The following MOSPD2 variants were observed in gnomAD, a reference collection of about 807,000 sequenced individuals.
MOSPD2 encodes motile sperm domain-containing protein 2.
MOSPD2 carries 5 observed loss-of-function variants against 41.7 expected under a neutral mutation model. The observed-to-expected ratio is 0.12, with a 90% CI of 0.06 to 0.25. MOSPD2 has a LOEUF of 0.25. Ranked by LOEUF, MOSPD2 falls within the 10% of genes least tolerant of loss-of-function variation. The pLI is 1.00. For missense variants in MOSPD2, 282 were observed against 375.2 expected, an observed-to-expected ratio of 0.75 and a Z score of 2.05; for synonymous variants, 115 against 126.9, an observed-to-expected ratio of 0.91 and a Z score of 0.63.
rs755293601 is a variant in MOSPD2 at position 14,892,725 on chromosome X, A to G, written c.82A>G (p.Lys28Glu). Residue 28 changes from lysine (K) to glutamate (E), a missense_variant and splice_region_variant, in exon 3 of 15, where the codon AAG becomes GAG. Coordinates refer to ENST00000380492, the MANE Select transcript of MOSPD2 (RefSeq NM_152581.4). ...RRFEAEYVTD[K>E]SDKYDARDVE... is the part of the protein sequence containing the mutation. ...GTTTATTACTGTTTTTTCCCTAGAT[A>G]AGTCAGATAAATATGATGCACGTGA... is the stretch of plus-strand genomic sequence containing the variant. 8.4e-7 allele frequency: 1 copy of G among 1,194,179 alleles called. No individual in the cohort carries two copies. Among genetic ancestry groups the G allele is most frequent in the East Asian group, 3.0e-5 (1 of 33,700 alleles).
At chrX:14,919,193 A>G (rs1447597601) in intron 14 of MOSPD2, among the ~76,000 whole-genome samples, 1 of 111,366 alleles carries the variant, frequency 9.0e-6, no homozygotes, top group Non-Finnish European at 1.9e-5. Context: ...GCAACAGAAC[A>G]AGACCATTTC....
At position 14,914,608 on chromosome X, in the gene MOSPD2, C is replaced by G. The variant is rs2092597144; in HGVS notation, c.1089+9C>G. 3 of 903,345 alleles carry G rather than the reference C, an allele frequency of 3.3e-6. No homozygotes were observed. Among genetic ancestry groups the G allele is most frequent in the Non-Finnish European group, 4.7e-6 (3 of 634,017 alleles). The allele number at this position is 903,345 out of a possible 1,213,427, so 74.4% of individuals were successfully genotyped here. A position where few individuals can be genotyped will look rare whatever the true frequency, so the allele number is the denominator to read the frequency against. On this transcript the variant is annotated intron_variant, in intron 11 of 14. Transcript: ENST00000380492. Reference sequence around the variant, plus strand: ...ATATAGTGGCATTTAAGGTAAATATCTTAAAGATACAATAAATTATGTTTG... The same window carrying G: ...ATATAGTGGCATTTAAGGTAAATATGTTAAAGATACAATAAATTATGTTTG...
Position 14,919,952 on chromosome X carries a change from T to C in MOSPD2, c.*143T>C. On this transcript the variant is annotated 3_prime_UTR_variant, in exon 15 of 15. Transcript: ENST00000380492. ...TATGCAGCACGTGGAGGGGAACACA[T>C]ACATGTCTTGAAAATAAACTGCTAG... The C allele has an allele frequency of 9.6e-7, 1 of 1,039,460 alleles. No homozygotes were observed. The highest frequency in any genetic ancestry group is 1.2e-6 in the Non-Finnish European group (1 of 813,948). 85.7% of individuals were successfully genotyped at this position (1,039,460 alleles called of 1,213,427 possible). A position where few individuals can be genotyped will look rare whatever the true frequency, so the allele number is the denominator to read the frequency against.
rs2092608261 is a variant in MOSPD2 at position 14,920,775 on chromosome X, G to T, written c.*966G>T. ...TTTTGAAAGGTTAGTTGTTTGAGAT[G>T]CTAAGCAGGATAATAAATTTAGATT... On this transcript the variant is annotated 3_prime_UTR_variant, in exon 15 of 15. Transcript: ENST00000380492. 1 of 753,050 alleles carries T rather than the reference G, an allele frequency of 1.3e-6. No individual in the cohort carries two copies. The highest frequency in any genetic ancestry group is 8.6e-5 in the Admixed American group (1 of 11,562). 62.1% of individuals were successfully genotyped at this position (753,050 alleles called of 1,213,427 possible).
intron 2 of MOSPD2, among the ~76,000 whole-genome samples, chrX:14,886,471 C>T (rs1307197939): frequency 1.8e-5 from 2 of 109,036 alleles, no homozygotes; most frequent in East Asian, 5.8e-4. Flanking sequence ...TTGTATGACC[C>T]TTGAGCCGAG....
chrX:14,895,457 C>T, intron 4 of MOSPD2, 63 bp downstream of exon 4: 2 of 671,146 alleles, frequency 3.0e-6, no homozygotes, highest in Non-Finnish European at 4.8e-6. Context: ...TCTATGTCAA[C>T]TGAATTAAGA....
At chrX:14,891,371 C>A (rs1355594189) in intron 2 of MOSPD2, among the ~76,000 whole-genome samples, 1 of 110,725 alleles carries the variant, frequency 9.0e-6, no homozygotes, top group African/African-American at 3.3e-5. Context: ...GTGTGAGCAA[C>A]TGATGAGAAA....
intron 14 of MOSPD2, among the ~76,000 whole-genome samples, chrX:14,919,048 T>A (rs768512984): frequency 9.0e-6 from 1 of 110,645 alleles, no homozygotes; most frequent in Non-Finnish European, 1.9e-5. Flanking sequence ...CGAGACCCTG[T>A]CTGTACAAAA....
In MOSPD2 at chrX:14,911,528, T is replaced by A. The variant is rs2092591712; in HGVS notation, c.879+115T>A. 3 of 514,991 alleles carry A rather than the reference T, an allele frequency of 5.8e-6. No homozygotes were observed. In the East Asian group the frequency reaches 1.1e-4, roughly 20 times the overall value. The allele number at this position is 514,991 out of a possible 1,213,427, so 42.4% of individuals were successfully genotyped here. On this transcript the variant is annotated intron_variant, in intron 9 of 14. Transcript: ENST00000380492. ...ACTTAACCTGCTACCCTTCCACATT[T>A]TTGTGTGTAAAAAGAAAGAGGAAGG...
Position 14,921,407 on chromosome X carries a change from T to G in MOSPD2, c.*1598T>G. ...TGCCACCTCCAGCTGTGAAATGGACTGCAGTCCACCCTAAGTACTGTGCAC... is the reference window on the plus strand; with the variant it reads ...TGCCACCTCCAGCTGTGAAATGGACGGCAGTCCACCCTAAGTACTGTGCAC... On this transcript the variant is annotated 3_prime_UTR_variant, in exon 15 of 15. Coordinates refer to ENST00000380492, the MANE Select transcript of MOSPD2 (RefSeq NM_152581.4). The G allele has an allele frequency of 1.1e-6, 1 of 937,473 alleles. No homozygotes were observed. Among genetic ancestry groups the G allele is most frequent in the Non-Finnish European group, 1.3e-6 (1 of 755,584 alleles). The allele number at this position is 937,473 out of a possible 1,213,427, so 77.3% of individuals were successfully genotyped here.
intron 7 of MOSPD2, among the ~76,000 whole-genome samples, chrX:14,904,784 C>T (rs923039855): frequency 2.7e-5 from 3 of 111,736 alleles, no homozygotes; most frequent in African/African-American, 9.8e-5. Context: ...TCACCCAAGC[C>T]TCAGTGTTCA....
chrX:14,910,430 A>G (rs780946229), intron 8 of MOSPD2, among the ~76,000 whole-genome samples: 37 of 111,735 alleles, frequency 3.3e-4, no homozygotes, highest in Non-Finnish European at 5.7e-4. Flanking sequence ...GGTCTATCTC[A>G]TTTTTAAACC....
At chrX:14,903,359 T>A (rs1191020145) in intron 7 of MOSPD2, among the ~76,000 whole-genome samples, 3 of 98,476 alleles carry the variant, frequency 3.0e-5, no homozygotes, top group Non-Finnish European at 6.4e-5. Context: ...AAAAAAAAAA[T>A]TAACAACAGC....
At chrX:14,906,624 A>G (rs772103137) in intron 7 of MOSPD2, among the ~76,000 whole-genome samples, 33 of 112,220 alleles carry the variant, frequency 2.9e-4, no homozygotes, top group African/African-American at 1.0e-3. Flanking sequence ...GGACACTACC[A>G]AGTAGGTGAA....
Position 14,900,598 on chromosome X carries a change from C to T in MOSPD2, c.501C>T (p.Ile167=). The T allele has an allele frequency of 8.8e-7, 1 of 1,138,309 alleles. No individual in the cohort carries two copies. Among genetic ancestry groups the T allele is most frequent in the Non-Finnish European group, 1.2e-6 (1 of 842,740 alleles). The allele number at this position is 1,138,309 out of a possible 1,213,427, so 93.8% of individuals were successfully genotyped here. A position where few individuals can be genotyped will look rare whatever the true frequency, so the allele number is the denominator to read the frequency against. Residue 167 remains isoleucine (I), a synonymous_variant, in exon 6 of 15, where the codon ATC becomes ATT. Transcript: ENST00000380492. ...NSIDMDFVRF[I]INCFKVYYPK... ...AGGACATGGACTTTGTACGCTTTAT[C>T]ATCAACTGCTTTAAGGTTTATTACC...
chrX:14,888,249 C>CACACA (rs2092546334), intron 2 of MOSPD2, among the ~76,000 whole-genome samples: 1 of 103,121 alleles, frequency 9.7e-6, no homozygotes, highest in Non-Finnish European at 2.0e-5. Flanking sequence ...CACACACACA[C>CACACA]CTTTTTATAA....
At chrX:14,897,282 T>A (rs904068974) in intron 5 of MOSPD2, 44 bp downstream of exon 5, 74 of 1,064,736 alleles carry the variant, frequency 7.0e-5, no homozygotes, top group Non-Finnish European at 9.4e-5. Context: ...TTATCATGGC[T>A]TCCTCCCTTT....
intron 7 of MOSPD2, among the ~76,000 whole-genome samples, chrX:14,904,882 T>C (rs1377682370): frequency 9.0e-6 from 1 of 111,662 alleles, no homozygotes; most frequent in African/African-American, 3.3e-5. Context: ...GGTCTACTGA[T>C]ACTGTGTAAC....
In MOSPD2 at chrX:14,873,495, G is replaced by A. The variant is rs769005072; in HGVS notation, c.-34G>A. Reference sequence around the variant, plus strand: ...GGTCGGCGACGGTAGAACGGGCGACGGCGACAACCGCAATCACATCCACGA... The same window carrying A: ...GGTCGGCGACGGTAGAACGGGCGACAGCGACAACCGCAATCACATCCACGA... On this transcript the variant is annotated 5_prime_UTR_variant, in exon 1 of 15. Transcript: ENST00000380492. 3.3e-6 allele frequency: 4 copies of A among 1,211,789 alleles called. No individual in the cohort carries two copies. The South Asian group carries it at 7.0e-5, about 21-fold the overall frequency.
Sources: allele counts gnomAD v4.1 joint callset (sites outside exome capture counted in the v4.1 genomes callset), GRCh38; gene constraint gnomAD v4.1.1; transcripts MANE v1.5; gene names NCBI Gene and HGNC (gene_info 2026-07-23, HGNC 2026-07-21).